The following PDE2A variants were observed in gnomAD, a reference collection of about 807,000 sequenced individuals.
The protein encoded by PDE2A is cGMP-dependent 3',5'-cyclic phosphodiesterase.
A neutral mutation model predicts 133.6 loss-of-function variants in PDE2A; 53 were observed. That is an observed-to-expected ratio of 0.40 (90% confidence interval 0.32 to 0.50). The LOEUF (loss-of-function observed/expected upper bound fraction) is 0.50. PDE2A is among the 20% of genes least tolerant of loss of function. The pLI is 0.73. For synonymous variants in PDE2A, 491 were observed against 490.2 expected (o/e 1.00, Z -0.02); for missense variants, 796 against 1,232.4 (o/e 0.65, Z 5.30).
At chr11:72,631,368 A>G (rs937536134) in intron 2 of PDE2A, among the ~76,000 whole-genome samples, 1 of 152,068 alleles carries the variant, frequency 6.6e-6, no homozygotes, top group African/African-American at 2.4e-5. Context: ...ACAGAGCCAT[A>G]TTCCTTCTTT....
At chr11:72,648,403 G>A (rs1859187549) in intron 1 of PDE2A, among the ~76,000 whole-genome samples, 1 of 152,170 alleles carries the variant, frequency 6.6e-6, no homozygotes, top group African/African-American at 2.4e-5. Flanking sequence ...ACGGGCAGGT[G>A]CTGGGGACAA....
intron 6 of PDE2A, among the ~76,000 whole-genome samples, chr11:72,592,456 C>T (rs1000284507): frequency 1.3e-5 from 2 of 152,238 alleles, no homozygotes; most frequent in East Asian, 3.9e-4. Context: ...AGTGGGGAGA[C>T]ATGACTGGGA....
chr11:72,581,019 T>G, intron 23 of PDE2A, 46 bp from the exon 24 acceptor site: 1 of 1,279,422 alleles, frequency 7.8e-7, no homozygotes, highest in Non-Finnish European at 1.1e-6. Context: ...CAGCCCACAG[T>G]TCCCTCCCTA....
At chr11:72,628,755 C>T (rs928151779) in intron 2 of PDE2A, among the ~76,000 whole-genome samples, 3 of 152,250 alleles carry the variant, frequency 2.0e-5, no homozygotes, top group African/African-American at 7.2e-5. Context: ...TCATCTGACC[C>T]TGTGGCTTGT....
At chr11:72,609,124 C>T (rs1004261313) in intron 2 of PDE2A, among the ~76,000 whole-genome samples, 3 of 152,188 alleles carry the variant, frequency 2.0e-5, no homozygotes, top group Admixed American at 2.0e-4. Flanking sequence ...CAAAAAAACA[C>T]CCAAATTTGA....
In PDE2A at chr11:72,642,239, CG is replaced by C. The variant is rs768416111; in HGVS notation, c.144+14del. ...CACCCCGTTCTCCTGGTGCCCAGCG[CG>C]GGGGCCCCCCTACCTGCAGGCTGTC... On this transcript the variant is annotated intron_variant, in intron 2 of 30. Coordinates refer to ENST00000334456, the MANE Select transcript of PDE2A (RefSeq NM_002599.5). The C allele has an allele frequency of 2.1e-5, 31 of 1,496,116 alleles. No individual in the cohort carries two copies. Among genetic ancestry groups the C allele is most frequent in the Admixed American group, 7.1e-5 (3 of 42,412 alleles). 92.7% of individuals were successfully genotyped at this position (1,496,116 alleles called of 1,614,324 possible).
rs1486171379 is a variant in PDE2A at position 72,642,384 on chromosome 11, G to GCCGCCCGC, written c.72-66_72-59dup. Reference sequence around the variant, plus strand: ...GTGCAGCACCAGGACCATGCTCGCAGCCGCCCGCCCGCCCGCCGGCCCGGC... The same window carrying GCCGCCCGC: ...GTGCAGCACCAGGACCATGCTCGCAGCCGCCCGCCCGCCCGCCCGCCCGCCGGCCCGGC... On this transcript the variant is annotated intron_variant, in intron 1 of 30. Transcript: ENST00000334456. The GCCGCCCGC allele has an allele frequency of 3.0e-6, 4 of 1,312,250 alleles. No homozygotes were observed. The African/African-American group carries it at 4.6e-5, about 15-fold the overall frequency. 81.3% of individuals were successfully genotyped at this position (1,312,250 alleles called of 1,614,324 possible).
chr11:72,626,141 C>A (rs1858051833), intron 2 of PDE2A, among the ~76,000 whole-genome samples: 1 of 152,284 alleles, frequency 6.6e-6, no homozygotes, highest in Non-Finnish European at 1.5e-5. Flanking sequence ...CAGCATGTGT[C>A]TTCTCTGGGT....
chr11:72,596,561 C>A, intron 6 of PDE2A, 32 bp downstream of exon 6: 1 of 1,402,156 alleles, frequency 7.1e-7, no homozygotes, highest in Non-Finnish European at 9.5e-7. Flanking sequence ...GGTCTCCTCT[C>A]CCTACATCCC....
At chr11:72,635,010 C>G (rs969074700) in intron 2 of PDE2A, among the ~76,000 whole-genome samples, 4 of 152,198 alleles carry the variant, frequency 2.6e-5, no homozygotes, top group Non-Finnish European at 4.4e-5. Context: ...CGGGGGTGAG[C>G]AGACCTCTCC....
At chr11:72,670,716 G>A (rs777984391) in intron 1 of PDE2A, among the ~76,000 whole-genome samples, 8 of 152,130 alleles carry the variant, frequency 5.3e-5, no homozygotes, top group Non-Finnish European at 1.2e-4. Flanking sequence ...CTGGATCATT[G>A]TGCCCCAGCC....
intron 2 of PDE2A, among the ~76,000 whole-genome samples, chr11:72,633,191 C>CCTAAGAGGCCAA (rs71858054): frequency 0.2 from 30,288 of 152,056 alleles, 3,686 homozygotes; most frequent in African/African-American, 0.35. Context: ...GGACCCTAGT[C>CCTAAGAGGCCAA]CAGGCCAGGG....
intron 21 of PDE2A, 147 bp downstream of exon 21, chr11:72,582,297 A>G: frequency 1.3e-6 from 1 of 778,938 alleles, no homozygotes. Flanking sequence ...TCCTGATGGC[A>G]GACTACAAGC....
At chr11:72,605,300 G>C (rs10898857) in intron 3 of PDE2A, 74 bp from the exon 4 acceptor site, 1 of 776,664 alleles carries the variant, frequency 1.3e-6, no homozygotes, top group East Asian at 2.9e-5. Flanking sequence ...GTACACAGGG[G>C]TCTGTGGGGC....
rs766115793 is a variant in PDE2A, at chr11:72,674,250, C to T, written c.-43G>A. 7 of 1,578,914 alleles carry T rather than the reference C, an allele frequency of 4.4e-6. No homozygotes were observed. The highest frequency in any genetic ancestry group is 3.4e-5 in the South Asian group (3 of 88,708). On this transcript the variant is annotated 5_prime_UTR_variant, in exon 1 of 31. Coordinates refer to ENST00000334456, the MANE Select transcript of PDE2A (RefSeq NM_002599.5). ...CTCCCCAGCCAGACTAAGGTGGCAC[C>T]TCGCCCTGTCCCCGCTGCCTGGAGT...
At chr11:72,592,994 C>T (rs1293784837) in intron 6 of PDE2A, among the ~76,000 whole-genome samples, 2 of 151,956 alleles carry the variant, frequency 1.3e-5, no homozygotes, top group East Asian at 3.9e-4. Flanking sequence ...TTGTTCCTTC[C>T]ACCTGGTCCC....
At chr11:72,666,358 T>C (rs991534137) in intron 1 of PDE2A, among the ~76,000 whole-genome samples, 1 of 151,962 alleles carries the variant, frequency 6.6e-6, no homozygotes, top group South Asian at 2.1e-4. Flanking sequence ...GTGCTGGGAG[T>C]CCCTGAAACT....
intron 2 of PDE2A, among the ~76,000 whole-genome samples, chr11:72,624,356 A>C (rs1857937931): frequency 6.6e-6 from 1 of 152,166 alleles, no homozygotes; most frequent in Non-Finnish European, 1.5e-5. Context: ...TTCCCATGAC[A>C]GTGTCCTACA....
intron 2 of PDE2A, among the ~76,000 whole-genome samples, chr11:72,610,910 C>T (rs1037045293): frequency 6.6e-6 from 1 of 152,194 alleles, no homozygotes; most frequent in African/African-American, 2.4e-5. Context: ...GCACAATACA[C>T]GCAGGCTATT....
Sources: gnomAD v4.1 joint callset for allele counts (sites outside exome capture counted in the v4.1 genomes callset) on GRCh38, gnomAD v4.1.1 for gene constraint, MANE v1.5 for transcripts, NCBI Gene and HGNC (gene_info 2026-07-23, HGNC 2026-07-21) for gene names.